The following ATRX variants were observed in gnomAD, a reference collection of about 807,000 sequenced individuals.
ATRX encodes the protein chromatin remodeler ATRX.
Under a neutral mutation model 172.6 loss-of-function variants are expected in ATRX, and 12 were observed. The observed-to-expected ratio is 0.07, with a 90% confidence interval of 0.04 to 0.11. ATRX has a LOEUF of 0.11. Ranked by LOEUF, ATRX falls within the 10% of genes least tolerant of loss-of-function variation. ATRX has a pLI of 1.00. For synonymous variants in ATRX, 674 were observed against 594.7 expected (o/e 1.13, Z -1.94); for missense variants, 1,368 against 1,767.4 (o/e 0.77, Z 4.05).
chrX:77,651,217 CAAAAAAAA>C (rs1170232589), intron 15 of ATRX, among the ~76,000 whole-genome samples: 25 of 16,479 alleles, frequency 1.5e-3, no homozygotes, highest in East Asian at 4.6e-3. Flanking sequence ...AACTCCATCT[CAAAAAAAA>C]AAAAAAAAAA....
At chrX:77,618,668 G>T in intron 21 of ATRX, 138 bp downstream of exon 21, 1 of 583,005 alleles carries the variant, frequency 1.7e-6, no homozygotes, top group Non-Finnish European at 2.7e-6. Flanking sequence ...GACAACGCAA[G>T]GAGATATAAC....
chrX:77,633,509 T>G, intron 18 of ATRX, 57 bp downstream of exon 18: 1 of 1,134,223 alleles, frequency 8.8e-7, no homozygotes, highest in Non-Finnish European at 1.2e-6. Flanking sequence ...AAAAATAGTT[T>G]ACTATATGAA....
intron 1 of ATRX, among the ~76,000 whole-genome samples, chrX:77,774,740 C>T (rs922179710): frequency 1.2e-4 from 13 of 111,308 alleles, no homozygotes; most frequent in Non-Finnish European, 1.9e-5. Flanking sequence ...ATGGGGGTCT[C>T]ACTCTGTCAT....
At chrX:77,749,276 A>AT (rs1208644968) in intron 1 of ATRX, among the ~76,000 whole-genome samples, 7 of 109,585 alleles carry the variant, frequency 6.4e-5, no homozygotes, top group South Asian at 3.9e-4. Flanking sequence ...AAAAGACATG[A>AT]TTTTTTTTTC....
chrX:77,699,535 A>T (rs782141253), intron 2 of ATRX: 2 of 111,721 alleles, frequency 1.8e-5, no homozygotes, highest in Non-Finnish European at 3.8e-5. Context: ...AGATGAACAA[A>T]CTTTAGGGTA....
At chrX:77,654,320 AT>A in intron 13 of ATRX, 120 bp from the exon 14 acceptor site, 1 of 541,853 alleles carries the variant, frequency 1.8e-6, no homozygotes, top group Non-Finnish European at 3.1e-6. Flanking sequence ...CAGAAAAAAA[AT>A]CAATAGGTTC....
Position 77,684,201 on chromosome X carries a change from A to G in ATRX, c.1055T>C (p.Met352Thr). ...SYSALIVPKE[M>T]IKKAKKLIET... is the part of the protein sequence containing the mutation. ...AATCAGTTTTTTTGCCTTCTTAATC[A>G]TCTCTTTGGGCACAATTAGTGCGGA... The change falls in exon 9 of 35, where the codon ATG becomes ACG. Residue 352 changes from methionine (M) to threonine (T), a missense_variant. Transcript: ENST00000373344. 8.3e-7 allele frequency: 1 copy of G among 1,210,793 alleles called. No individual in the cohort carries two copies.
chrX:77,710,781 G>A (rs190616325), intron 2 of ATRX, among the ~76,000 whole-genome samples: 1 of 111,289 alleles, frequency 9.0e-6, no homozygotes, highest in East Asian at 2.8e-4. Context: ...TGGTTGCCAG[G>A]TGTTAAGCAT....
At chrX:77,696,525 T>C in intron 5 of ATRX, 52 bp downstream of exon 5, 1 of 1,158,202 alleles carries the variant, frequency 8.6e-7, no homozygotes, top group Non-Finnish European at 1.2e-6. Context: ...ATAAAAATGA[T>C]GTTTAAAAAT....
At chrX:77,638,537 T>C (rs2068507354) in intron 15 of ATRX, among the ~76,000 whole-genome samples, 1 of 112,658 alleles carries the variant, frequency 8.9e-6, no homozygotes, top group African/African-American at 3.2e-5. Context: ...TTACCCATTG[T>C]CCAGTTCCCC....
At chrX:77,522,538 A>G in intron 31 of ATRX, 150 bp from the exon 32 acceptor site, 1 of 643,888 alleles carries the variant, frequency 1.6e-6, no homozygotes, top group Non-Finnish European at 2.4e-6. Flanking sequence ...TTTTCACCCG[A>G]AACCAAGATC....
chrX:77,526,208 G>A (rs2063376080), intron 30 of ATRX, among the ~76,000 whole-genome samples: 1 of 111,802 alleles, frequency 8.9e-6, no homozygotes, highest in Non-Finnish European at 1.9e-5. Context: ...TTGAGATACA[G>A]TTCCTCTACT....
chrX:77,769,284 T>TG (rs1212149687), intron 1 of ATRX, among the ~76,000 whole-genome samples: 1 of 108,981 alleles, frequency 9.2e-6, no homozygotes, highest in African/African-American at 3.3e-5. Flanking sequence ...TTTGTTTGTT[T>TG]TTTTTTTTTT....
rs1270699682 is a variant in ATRX at position 77,697,016 on chromosome X, T to A, written c.243-312A>T. The stretch of plus-strand genomic sequence containing the variant: ...CTTGGTTTTTAAGAGACATTCCCAC[T>A]GGTTAGAAACAATGAAAGTCCAATA... On this transcript the variant is annotated intron_variant, in intron 4 of 34. Coordinates refer to ENST00000373344, the MANE Select transcript of ATRX (RefSeq NM_000489.6). Among the ~76,000 whole-genome samples the A allele has an allele frequency of 4.5e-5, 5 of 112,114 alleles. No individual in the cohort carries two copies. In the East Asian group the frequency reaches 1.4e-3, roughly 31 times the overall value.
chrX:77,551,634 A>C (rs1252607875), intron 30 of ATRX, among the ~76,000 whole-genome samples: 4 of 112,097 alleles, frequency 3.6e-5, no homozygotes, highest in South Asian at 3.7e-4. Context: ...TAATTAAACT[A>C]AAGAGCCTCC....
intron 3 of ATRX, 30 bp downstream of exon 3, chrX:77,698,544 T>A: frequency 8.5e-7 from 1 of 1,181,123 alleles, no homozygotes; most frequent in South Asian, 1.8e-5. Flanking sequence ...TAATCGTAAC[T>A]AACAAATATC....
chrX:77,582,008 A>T (rs781921616), intron 27 of ATRX, among the ~76,000 whole-genome samples: 1 of 112,415 alleles, frequency 8.9e-6, no homozygotes, highest in African/African-American at 3.2e-5. Flanking sequence ...ACCAAAAAAC[A>T]TAAGACACAG....
At chrX:77,586,743 C>T (rs2066040138) in intron 27 of ATRX, among the ~76,000 whole-genome samples, 1 of 111,710 alleles carries the variant, frequency 9.0e-6, no homozygotes, top group Non-Finnish European at 1.9e-5. Flanking sequence ...CAGATATAAA[C>T]TTATGTACAA....
Position 77,654,306 on chromosome X carries a change from C to A in ATRX, c.4215-106G>T. On this transcript the variant is annotated intron_variant, in intron 13 of 34. Transcript: ENST00000373344. ...CTACCTCTGTATGCATTCCTAAAAACAAACAGAAAAAAAATCAATAGGTTC... is the reference window on the plus strand; with the variant it reads ...CTACCTCTGTATGCATTCCTAAAAAAAAACAGAAAAAAAATCAATAGGTTC... The A allele has an allele frequency of 9.7e-6, 6 of 615,837 alleles. No homozygotes were observed. In the Admixed American group the frequency reaches 1.4e-4, roughly 15 times the overall value. The allele number at this position is 615,837 out of a possible 1,213,427, so 50.8% of individuals were successfully genotyped here.
Sources: allele counts gnomAD v4.1 joint callset (sites outside exome capture counted in the v4.1 genomes callset), GRCh38; gene constraint gnomAD v4.1.1; transcripts MANE v1.5; gene names NCBI Gene and HGNC (gene_info 2026-07-23, HGNC 2026-07-21).